The following DGLUCY variants were observed in gnomAD, a reference collection of about 807,000 sequenced individuals.
DGLUCY encodes D-glutamate cyclase.
Under a neutral mutation model 58.5 loss-of-function variants are expected in DGLUCY, and 58 were observed. The observed-to-expected ratio is 0.99, with a 90% CI of 0.80 to 1.23. The LOEUF (loss-of-function observed/expected upper bound fraction) is 1.23, where lower values mean the gene tolerates loss of function less well. Ranked by LOEUF, DGLUCY falls within the 50% of genes most tolerant of loss-of-function variation. DGLUCY has a pLI of 0.00. For missense variants in DGLUCY, 779 were observed against 784.7 expected (o/e 0.99, Z 0.09); for synonymous variants, 325 against 314.1 (o/e 1.03, Z -0.37).
intron 1 of DGLUCY, chr14:91,147,636 C>T (rs1476153741): frequency 6.6e-6 from 1 of 152,192 alleles, no homozygotes; most frequent in Non-Finnish European, 1.5e-5. Flanking sequence ...CCCATATATA[C>T]ACACACTAAA....
At chr14:91,164,324 T>C (rs2048157723) in intron 3 of DGLUCY, among the ~76,000 whole-genome samples, 7 of 152,204 alleles carry the variant, frequency 4.6e-5, no homozygotes. Context: ...GAGAAGCAAA[T>C]GACAAGTATG....
At chr14:91,163,457 G>T (rs895878443) in intron 3 of DGLUCY, among the ~76,000 whole-genome samples, 2 of 152,114 alleles carry the variant, frequency 1.3e-5, no homozygotes, top group Non-Finnish European at 2.9e-5. Context: ...GGTGTCTCAC[G>T]TGTCCTCATT....
intron 6 of DGLUCY, among the ~76,000 whole-genome samples, chr14:91,175,296 A>G (rs8011064): frequency 0.095 from 14,500 of 152,094 alleles, 1,989 homozygotes; most frequent in African/African-American, 0.31. Context: ...GCCTCTTAGA[A>G]GGCCTGATGA....
intron 1 of DGLUCY, among the ~76,000 whole-genome samples, chr14:91,116,851 G>A (rs904390187): frequency 1.3e-5 from 2 of 151,984 alleles, no homozygotes; most frequent in African/African-American, 2.4e-5. Context: ...GGCTGAGGCA[G>A]GAGAATTGCT....
intron 1 of DGLUCY, among the ~76,000 whole-genome samples, chr14:91,074,640 A>G (rs1305606222): frequency 6.6e-6 from 1 of 152,196 alleles, no homozygotes; most frequent in African/African-American, 2.4e-5. Flanking sequence ...CTGACCGTAA[A>G]ACATGAAAAT....
intron 1 of DGLUCY, among the ~76,000 whole-genome samples, chr14:91,064,622 C>CAAAAAAAAAAAAA (rs35830145): frequency 3.5e-5 from 2 of 57,614 alleles, no homozygotes; most frequent in African/African-American, 6.2e-5. Flanking sequence ...GACTCTGTCT[C>CAAAAAAAAAAAAA]AAAAAAAAAA....
chr14:91,065,628 T>C (rs2043807190), intron 1 of DGLUCY, among the ~76,000 whole-genome samples: 1 of 152,172 alleles, frequency 6.6e-6, no homozygotes. Context: ...TAACCTAATG[T>C]ACAACCAAGT....
chr14:91,145,586 CAA>C (rs1374333280), intron 1 of DGLUCY, among the ~76,000 whole-genome samples: 1 of 152,124 alleles, frequency 6.6e-6, no homozygotes, highest in East Asian at 1.9e-4. Flanking sequence ...GGGTTGACAC[CAA>C]TGGTACCCAC....
intron 12 of DGLUCY, among the ~76,000 whole-genome samples, chr14:91,213,312 G>A (rs1886001926): frequency 6.6e-6 from 1 of 151,456 alleles, no homozygotes; most frequent in Non-Finnish European, 1.5e-5. Context: ...GCATGCACCT[G>A]TAGTCCCAGC....
At chr14:91,083,212 G>T (rs2044155977) in intron 1 of DGLUCY, among the ~76,000 whole-genome samples, 2 of 152,118 alleles carry the variant, frequency 1.3e-5, no homozygotes, top group South Asian at 4.1e-4. Context: ...GTAGTGGTCT[G>T]CCTCCCACTT....
At chr14:91,193,843 GAAAAAAA>G (rs76724762) in intron 9 of DGLUCY, among the ~76,000 whole-genome samples, 86 of 102,496 alleles carry the variant, frequency 8.4e-4, no homozygotes, top group East Asian at 1.7e-3. Context: ...TTCCATCTTA[GAAAAAAA>G]AAAAAAAAAA....
chr14:91,155,264 T>C (rs533456382), intron 1 of DGLUCY, among the ~76,000 whole-genome samples: 21 of 152,210 alleles, frequency 1.4e-4, no homozygotes, highest in Non-Finnish European at 2.5e-4. Flanking sequence ...ACTGTGTTTT[T>C]GGCACGGGGC....
chr14:91,205,051 C>T (rs1166056809), intron 12 of DGLUCY, among the ~76,000 whole-genome samples: 1 of 152,176 alleles, frequency 6.6e-6, no homozygotes, highest in Non-Finnish European at 1.5e-5. Flanking sequence ...TGCAATGACC[C>T]TGCTCCACAG....
chr14:91,148,518 T>C (rs1398547772), intron 1 of DGLUCY: 4 of 152,064 alleles, frequency 2.6e-5, no homozygotes. Context: ...GAATTTATTT[T>C]AACAACCAAA....
chr14:91,209,639 C>T (rs1266156558), intron 12 of DGLUCY, among the ~76,000 whole-genome samples: 2 of 151,964 alleles, frequency 1.3e-5, no homozygotes, highest in African/African-American at 4.8e-5. Flanking sequence ...ACCCGGGAGG[C>T]GGAGCTTGTA....
At chr14:91,159,433 T>C (rs1387415009) in intron 2 of DGLUCY, among the ~76,000 whole-genome samples, 1 of 152,062 alleles carries the variant, frequency 6.6e-6, no homozygotes, top group Non-Finnish European at 1.5e-5. Context: ...GGAGACAGAG[T>C]GGCGAGACTC....
upstream of DGLUCY, among the ~76,000 whole-genome samples, chr14:91,109,914 C>G (rs889383173): frequency 6.6e-6 from 1 of 152,214 alleles, no homozygotes; most frequent in African/African-American, 2.4e-5. Context: ...GTTGAGGAAC[C>G]TCTTTGGGAA....
intron 1 of DGLUCY, among the ~76,000 whole-genome samples, chr14:91,140,706 A>T (rs868746913): frequency 2.0e-5 from 3 of 152,176 alleles, no homozygotes; most frequent in South Asian, 4.1e-4. Flanking sequence ...TATGAAAGTC[A>T]AGAGCCTGAT....
chr14:91,138,538 T>TA (rs2046469091), intron 1 of DGLUCY, among the ~76,000 whole-genome samples: 1 of 151,992 alleles, frequency 6.6e-6, no homozygotes, highest in Non-Finnish European at 1.5e-5. Context: ...GGGTAACTTA[T>TA]AAAGGAAAGA....
Sources: allele counts gnomAD v4.1 joint callset (sites outside exome capture counted in the v4.1 genomes callset), GRCh38; gene constraint gnomAD v4.1.1; transcripts MANE v1.5; gene names NCBI Gene and HGNC (gene_info 2026-07-23, HGNC 2026-07-21).